Variants in TEX36 observed in about 807,000 individuals in gnomAD.
TEX36 encodes the protein testis expressed 36.
In TEX36, 12 loss-of-function variants were observed where a neutral mutation model predicts 13.6. The observed-to-expected ratio is 0.88, with a 90% CI of 0.56 to 1.43. The LOEUF (loss-of-function observed/expected upper bound fraction) is 1.43. Among genes scored for constraint, TEX36 ranks in the 40% most tolerant of loss-of-function variants. The pLI is 0.00. For synonymous variants in TEX36, 93 were observed against 83.0 expected (o/e 1.12, Z -0.65); for missense variants, 224 against 228.3 (o/e 0.98, Z 0.12).
chr10:125,592,670 T>C (rs1304213917), intron 3 of TEX36, among the ~76,000 whole-genome samples: 3 of 152,114 alleles, frequency 2.0e-5, no homozygotes, highest in Non-Finnish European at 4.4e-5. Context: ...GGCTCAGTCC[T>C]ACAGCACTCC....
chr10:125,577,734 A>C (rs1392898557), intron 3 of TEX36, among the ~76,000 whole-genome samples: 1 of 152,214 alleles, frequency 6.6e-6, no homozygotes, highest in African/African-American at 2.4e-5. Flanking sequence ...TTTACTTAAA[A>C]TTATAACAGA....
chr10:125,678,222 A>T (rs918446937), intron 1 of TEX36, among the ~76,000 whole-genome samples: 2 of 152,162 alleles, frequency 1.3e-5, no homozygotes, highest in African/African-American at 4.8e-5. Flanking sequence ...AGTTGGATAG[A>T]GTACTTTGGC....
intron 3 of TEX36, among the ~76,000 whole-genome samples, chr10:125,622,316 AAAAAG>A (rs1353318089): frequency 6.6e-6 from 1 of 152,264 alleles, no homozygotes; most frequent in Non-Finnish European, 1.5e-5. Flanking sequence ...ATGATAAAGG[AAAAAG>A]AAAAGAAATA....
At chr10:125,588,832 T>A (rs1034481464) in intron 3 of TEX36, among the ~76,000 whole-genome samples, 22 of 152,282 alleles carry the variant, frequency 1.4e-4, no homozygotes, top group Middle Eastern at 3.4e-3. Flanking sequence ...GCCAGGATGG[T>A]CTCAAACTCC....
intron 3 of TEX36, among the ~76,000 whole-genome samples, chr10:125,648,635 C>T (rs1197808330): frequency 6.6e-6 from 1 of 152,174 alleles, no homozygotes. Flanking sequence ...AGCAATGGAA[C>T]AAAGCTGGAT....
chr10:125,635,979 T>C (rs1217167087), intron 3 of TEX36, among the ~76,000 whole-genome samples: 1 of 151,906 alleles, frequency 6.6e-6, no homozygotes, highest in Non-Finnish European at 1.5e-5. Flanking sequence ...GCTCAAGCAA[T>C]CCTCCCACCT....
chr10:125,678,280 G>T (rs908984071), intron 1 of TEX36, among the ~76,000 whole-genome samples: 1 of 152,096 alleles, frequency 6.6e-6, no homozygotes, highest in Non-Finnish European at 1.5e-5. Context: ...TGATTTCTTT[G>T]TCTGTAACCA....
At chr10:125,618,534 G>A (rs1277190453), downstream of TEX36, among the ~76,000 whole-genome samples, 1 of 152,062 alleles carries the variant, frequency 6.6e-6, no homozygotes, top group Non-Finnish European at 1.5e-5. Flanking sequence ...AGGTCTGTTG[G>A]AGTACCCGGC....
At chr10:125,655,014 G>T (rs578123801), downstream of TEX36, among the ~76,000 whole-genome samples, 2 of 152,258 alleles carry the variant, frequency 1.3e-5, no homozygotes, top group East Asian at 3.9e-4. Context: ...CGCTAGAAAT[G>T]ATTCAAATGT....
At chr10:125,596,742 C>T (rs530675157) in intron 3 of TEX36, among the ~76,000 whole-genome samples, 32 of 152,332 alleles carry the variant, frequency 2.1e-4, no homozygotes, top group South Asian at 2.1e-3. Context: ...CAACCACCTG[C>T]ATGAGAAATC....
At chr10:125,646,200 C>T (rs975378699) in intron 3 of TEX36, among the ~76,000 whole-genome samples, 1 of 152,078 alleles carries the variant, frequency 6.6e-6, no homozygotes, top group African/African-American at 2.4e-5. Context: ...GTGGTGTGCA[C>T]CTGTAGTTCC....
chr10:125,625,082 G>T (rs1476115531), intron 3 of TEX36, among the ~76,000 whole-genome samples: 1 of 152,172 alleles, frequency 6.6e-6, no homozygotes, highest in African/African-American at 2.4e-5. Context: ...CAGAAAGTCC[G>T]TGCTGACTCT....
chr10:125,607,141 G>A (rs1565172926), intron 3 of TEX36, among the ~76,000 whole-genome samples: 1 of 152,220 alleles, frequency 6.6e-6, no homozygotes, highest in Admixed American at 6.5e-5. Context: ...GCAGCAGGGA[G>A]AGCAAACCTA....
chr10:125,626,699 T>TG (rs765119340), intron 3 of TEX36, among the ~76,000 whole-genome samples: 2 of 152,106 alleles, frequency 1.3e-5, no homozygotes, highest in Non-Finnish European at 2.9e-5. Flanking sequence ...GAGGGCTTTC[T>TG]GGGGAGGTGG....
chr10:125,641,742 C>T (rs1053828571), intron 3 of TEX36, among the ~76,000 whole-genome samples: 4 of 152,228 alleles, frequency 2.6e-5, no homozygotes, highest in Non-Finnish European at 4.4e-5. Context: ...AAGTCACTGA[C>T]ATTGTGCCAA....
At chr10:125,585,452 C>A (rs1845933709) in intron 3 of TEX36, among the ~76,000 whole-genome samples, 1 of 152,156 alleles carries the variant, frequency 6.6e-6, no homozygotes, top group African/African-American at 2.4e-5. Flanking sequence ...ACCTTCTCCC[C>A]TTTCTCCCCC....
chr10:125,648,750 A>G (rs1183456094), intron 3 of TEX36, among the ~76,000 whole-genome samples: 1 of 152,222 alleles, frequency 6.6e-6, no homozygotes, highest in Non-Finnish European at 1.5e-5. Flanking sequence ...AAAGAAGCTA[A>G]AAACCTTGAA....
intron 3 of TEX36, among the ~76,000 whole-genome samples, chr10:125,640,678 T>G (rs1398911347): frequency 2.0e-5 from 3 of 152,158 alleles, no homozygotes; most frequent in Non-Finnish European, 4.4e-5. Flanking sequence ...GTTTGGGAAG[T>G]GTCAGGTTTG....
At chr10:125,612,809 G>GA (rs35721943) in intron 3 of TEX36, among the ~76,000 whole-genome samples, 53,766 of 146,020 alleles carry the variant, frequency 0.37, 11,353 homozygotes, top group African/African-American at 0.61. Flanking sequence ...TTACAAACAG[G>GA]AAAAAAAAAA....
Sources: allele counts gnomAD v4.1 joint callset (sites outside exome capture counted in the v4.1 genomes callset), GRCh38; gene constraint gnomAD v4.1.1; transcripts MANE v1.5; gene names NCBI Gene and HGNC (gene_info 2026-07-23, HGNC 2026-07-21).